The following SLC16A3 variants were observed in gnomAD, a reference collection of about 807,000 sequenced individuals.
The protein encoded by SLC16A3 is monocarboxylate transporter 4.
A neutral mutation model predicts 25.0 loss-of-function variants in SLC16A3; 22 were observed. That is an observed-to-expected ratio of 0.88 (90% CI 0.63 to 1.26). The LOEUF (loss-of-function observed/expected upper bound fraction) is 1.26. Ranked by LOEUF, SLC16A3 falls within the 50% of genes most tolerant of loss-of-function variation. The pLI, the probability that SLC16A3 is intolerant of heterozygous loss-of-function variation, is 0.00. For missense variants in SLC16A3, 731 were observed against 666.6 expected, an observed-to-expected ratio of 1.10 and a Z score of -1.06; for synonymous variants, 390 against 309.2, an observed-to-expected ratio of 1.26 and a Z score of -2.74.
At chr17:82,228,785 C>T (rs148868722), upstream of SLC16A3, among the ~76,000 whole-genome samples, 277 of 152,052 alleles carry the variant, frequency 1.8e-3, 1 homozygote, top group Non-Finnish European at 3.1e-3. Flanking sequence ...GCCGGGAAGA[C>T]CCAGTCCCGA....
intron 1 of SLC16A3, among the ~76,000 whole-genome samples, chr17:82,232,670 C>T (rs989405570): frequency 2.0e-5 from 3 of 152,194 alleles, no homozygotes; most frequent in Non-Finnish European, 4.4e-5. Context: ...CTGCGCCCTG[C>T]ACCCTCGAGG....
At chr17:82,233,525 T>G (rs1398498778) in intron 1 of SLC16A3, among the ~76,000 whole-genome samples, 1 of 152,170 alleles carries the variant, frequency 6.6e-6, no homozygotes, top group Non-Finnish European at 1.5e-5. Context: ...GTCTGTCTCC[T>G]GAGGACCCTG....
chr17:82,220,899 C>T (rs566988616), intron 1 of SLC16A3, among the ~76,000 whole-genome samples: 28 of 152,268 alleles, frequency 1.8e-4, no homozygotes, highest in African/African-American at 2.9e-4. Flanking sequence ...TCCCAGCTCA[C>T]GGCACCCTTT....
intron 1 of SLC16A3, among the ~76,000 whole-genome samples, chr17:82,233,199 G>C (rs971815604): frequency 1.3e-5 from 2 of 152,220 alleles, no homozygotes; most frequent in African/African-American, 4.8e-5. Context: ...GTCAGCCCCT[G>C]GACACCAGGC....
rs1336714915 is a variant in SLC16A3 at position 82,236,035 on chromosome 17, C to T, written c.27C>T (p.Gly9=). 1.9e-6 allele frequency: 3 copies of T among 1,612,312 alleles called. 1 individual carries two copies. The highest frequency in any genetic ancestry group is 1.7e-6 in the Non-Finnish European group (2 of 1,179,746). The change falls in exon 2 of 5, where the codon GGC becomes GGT. Residue 9 remains glycine, a synonymous_variant. Transcript: ENST00000582743. ...TGGGAGGGGCCGTGGTGGACGAGGG[C>T]CCCACAGGCGTCAAGGCCCCTGACG... MGGAVVDE[G]PTGVKAPDGG...
rs962570905 is a variant in SLC16A3 at position 82,239,732 on chromosome 17, G to A, written c.*756G>A. On this transcript the variant is annotated 3_prime_UTR_variant, in exon 5 of 5. Transcript: ENST00000582743. ...TGGTGGTTAGATGGGAGCTGAGGTGGAACAAGCCACTTTATTCACTGCTGT... is the reference window on the plus strand; with the variant it reads ...TGGTGGTTAGATGGGAGCTGAGGTGAAACAAGCCACTTTATTCACTGCTGT... 1 of 382,950 alleles carries A rather than the reference G, an allele frequency of 2.6e-6. No individual in the cohort carries two copies. Among genetic ancestry groups the A allele is most frequent in the Non-Finnish European group, 4.6e-6 (1 of 216,526 alleles). The allele number at this position is 382,950 out of a possible 1,614,324, so 23.7% of individuals were successfully genotyped here.
Position 82,235,970 on chromosome 17 carries a change from CTT to C in SLC16A3, c.-26-11_-26-10del, listed in dbSNP as rs1568537571. On this transcript the variant is annotated splice_polypyrimidine_tract_variant and intron_variant, in intron 1 of 4. Coordinates refer to ENST00000582743, the MANE Select transcript of SLC16A3 (RefSeq NM_004207.4). ...CACCCGGGCAGCCTGAGTCAGCCTG[CTT>C]TCTCTCTCAGGTGAGGCGGAACCAA... 1.3e-6 allele frequency: 2 copies of C among 1,563,048 alleles called. No homozygotes were observed. The highest frequency in any genetic ancestry group is 1.1e-5 in the South Asian group (1 of 88,830).
chr17:82,221,453 G>A (rs1032795608), intron 1 of SLC16A3, among the ~76,000 whole-genome samples: 1 of 152,022 alleles, frequency 6.6e-6, no homozygotes, highest in East Asian at 1.9e-4. Context: ...TATCGTCCCA[G>A]CTACTTGGGA....
At chr17:82,232,406 T>G (rs1442517596) in intron 1 of SLC16A3, 1 of 152,422 alleles carries the variant, frequency 6.6e-6, no homozygotes, top group Non-Finnish European at 1.5e-5. Flanking sequence ...CATGCCAGGG[T>G]GCCCAGTGCC....
At chr17:82,233,098 A>C (rs2147120769) in intron 1 of SLC16A3, among the ~76,000 whole-genome samples, 1 of 152,054 alleles carries the variant, frequency 6.6e-6, no homozygotes, top group Admixed American at 6.5e-5. Flanking sequence ...GAAGATGGGG[A>C]GTGTGGGCCA....
At chr17:82,237,111 G>T in intron 3 of SLC16A3, 27 bp from the exon 4 acceptor site, 1 of 1,487,834 alleles carries the variant, frequency 6.7e-7, no homozygotes. Flanking sequence ...GCCTTGGGGG[G>T]CTCTCACCAC....
At chr17:82,228,547 T>G (rs1330328548), upstream of SLC16A3, 1 of 152,200 alleles carries the variant, frequency 6.6e-6, no homozygotes, top group Non-Finnish European at 1.5e-5. Context: ...GGGGGACAGG[T>G]CGGACGTGGC....
In SLC16A3 at chr17:82,237,484, G is replaced by A; in HGVS notation, c.714G>A (p.Met238Ile). Residue 238 changes from methionine (M) to isoleucine (I), a missense_variant, in exon 4 of 5, where the codon ATG (methionine) becomes ATA (isoleucine). Met to Ile is a conservative substitution (Grantham distance 10). Transcript: ENST00000582743. Reference sequence around the variant, plus strand: ...TTTACGCCGTGGCCGCCTCGGTCATGGTGCTGGGGCTCTTCGTCCCGCCCG... The same window carrying A: ...TTTACGCCGTGGCCGCCTCGGTCATAGTGCTGGGGCTCTTCGTCCCGCCCG... ...FVLYAVAASV[M>I]VLGLFVPPVF... 6.2e-7 allele frequency: 1 copy of A among 1,610,526 alleles called. No individual in the cohort carries two copies. The highest frequency in any genetic ancestry group is 1.3e-5 in the African/African-American group (1 of 75,054).
intron 1 of SLC16A3, among the ~76,000 whole-genome samples, chr17:82,233,125 C>G (rs1034073543): frequency 6.6e-6 from 1 of 152,166 alleles, no homozygotes; most frequent in Admixed American, 6.5e-5. Flanking sequence ...TGTGCCCCTT[C>G]CCCGTACTCT....
At position 82,239,624 on chromosome 17, in the gene SLC16A3, G is replaced by A. The variant is rs911840882; in HGVS notation, c.*648G>A. Reference sequence around the variant, plus strand: ...CATAGCATTCGTAGCAGGGGCAGGCGCTGCATGGAGGGGGCTGCGGGGCAG... The same window carrying A: ...CATAGCATTCGTAGCAGGGGCAGGCACTGCATGGAGGGGGCTGCGGGGCAG... On this transcript the variant is annotated 3_prime_UTR_variant, in exon 5 of 5. Transcript: ENST00000582743. 10 of 253,374 alleles carry A rather than the reference G, an allele frequency of 3.9e-5. No individual in the cohort carries two copies. Among genetic ancestry groups the A allele is most frequent in the East Asian group, 1.5e-4 (2 of 13,546 alleles). 15.7% of individuals were successfully genotyped at this position (253,374 alleles called of 1,614,324 possible). A position where few individuals can be genotyped will look rare whatever the true frequency, so the allele number is the denominator to read the frequency against.
intron 4 of SLC16A3, 114 bp downstream of exon 4, chr17:82,238,007 G>C (rs556484949): frequency 2.4e-6 from 3 of 1,257,928 alleles, no homozygotes; most frequent in Non-Finnish European, 3.3e-6. Flanking sequence ...GGGACTCAGA[G>C]CTGGAGGGGG....
At chr17:82,230,626 G>A (rs1034517733) in intron 1 of SLC16A3, 1 of 152,498 alleles carries the variant, frequency 6.6e-6, no homozygotes, top group Admixed American at 6.5e-5. Context: ...GGTGGGTCCT[G>A]GGGTGACCTG....
intron 1 of SLC16A3, among the ~76,000 whole-genome samples, chr17:82,219,024 T>C (rs1226983364): frequency 1.3e-5 from 2 of 152,056 alleles, no homozygotes; most frequent in Non-Finnish European, 2.9e-5. Flanking sequence ...TCGGAGGGTC[T>C]GGGCTCTAGG....
intron 1 of SLC16A3, among the ~76,000 whole-genome samples, chr17:82,221,764 T>G (rs2050390277): frequency 6.6e-6 from 1 of 152,020 alleles, no homozygotes; most frequent in Non-Finnish European, 1.5e-5. Flanking sequence ...ACAGGGCTGG[T>G]GTGGCAGCAC....
Sources: allele counts gnomAD v4.1 joint callset (sites outside exome capture counted in the v4.1 genomes callset), GRCh38; gene constraint gnomAD v4.1.1; transcripts MANE v1.5; gene names NCBI Gene and HGNC (gene_info 2026-07-23, HGNC 2026-07-21).